Variants in COL23A1 observed in about 807,000 individuals in gnomAD.
The protein encoded by COL23A1 is collagen type XXIII alpha 1 chain.
COL23A1 carries 97 observed loss-of-function variants against 99.3 expected under a neutral mutation model. The ratio of observed to expected loss-of-function variants is 0.98; its 90% CI spans 0.83 to 1.16. The LOEUF is 1.16. Ranked by LOEUF, COL23A1 falls within the 50% of genes most tolerant of loss-of-function variation. The probability of loss-of-function intolerance (pLI) is 0.00; values close to 1 mark genes in which losing one functional copy is unlikely to be tolerated. For missense variants in COL23A1, 762 were observed against 757.4 expected, an observed-to-expected ratio of 1.01 and a Z score of -0.07; for synonymous variants, 320 against 308.2, an observed-to-expected ratio of 1.04 and a Z score of -0.40.
chr5:178,246,052 G>A (rs1435456887), intron 24 of COL23A1, 84 bp from the exon 25 acceptor site: 1 of 1,521,238 alleles, frequency 6.6e-7, no homozygotes, highest in African/African-American at 1.4e-5. Flanking sequence ...CCTGTGGGTT[G>A]GCCACAGACA....
intron 2 of COL23A1, among the ~76,000 whole-genome samples, chr5:178,492,331 A>T (rs1472213101): frequency 6.6e-6 from 1 of 152,084 alleles, no homozygotes. Context: ...CGCCTACCCC[A>T]ACGGGACCAG....
At position 178,255,823 on chromosome 5, in the gene COL23A1, TG is replaced by T; in HGVS notation, c.882+529del. 2.5e-6 allele frequency: 1 copy of T among 404,288 alleles called. No individual in the cohort carries two copies. The allele number at this position is 404,288 out of a possible 1,614,324, so 25.0% of individuals were successfully genotyped here. A position where few individuals can be genotyped will look rare whatever the true frequency, so the allele number is the denominator to read the frequency against. On this transcript the variant is annotated intron_variant, in intron 15 of 28. Transcript: ENST00000390654. This position sits in a 1 kb window ranked among gnomAD's most constrained non-coding sequence, Gnocchi z 4.2. ...GGCGGGGGCTCAGATCCATTTTTTTTGGAGGAAGAAGCCAGCCTCTGGGAGC... is the reference window on the plus strand; with the variant it reads ...GGCGGGGGCTCAGATCCATTTTTTTTGAGGAAGAAGCCAGCCTCTGGGAGC...
In COL23A1 at chr5:178,384,509, C is replaced by A. The variant is rs541738439; in HGVS notation, c.362-77590G>T. Among the ~76,000 whole-genome samples the A allele has an allele frequency of 1.3e-5, 2 of 152,256 alleles. No homozygotes were observed. The highest frequency in any genetic ancestry group is 3.9e-4 in the East Asian group (2 of 5,148). ...GAGGCCACGTGGACGGCGCTGAGTGCATCCCTCTCCAGCGGCCCACCGGGC... is the reference window on the plus strand; with the variant it reads ...GAGGCCACGTGGACGGCGCTGAGTGAATCCCTCTCCAGCGGCCCACCGGGC... On this transcript the variant is annotated intron_variant, in intron 2 of 28. Coordinates refer to ENST00000390654, the MANE Select transcript of COL23A1 (RefSeq NM_173465.4). This position sits in a 1 kb window ranked among gnomAD's most constrained non-coding sequence, Gnocchi z 5.5.
At chr5:178,537,977 A>C (rs1349878156) in intron 2 of COL23A1, among the ~76,000 whole-genome samples, 1 of 152,234 alleles carries the variant, frequency 6.6e-6, no homozygotes, top group Non-Finnish European at 1.5e-5. Context: ...GGAATCACAC[A>C]GTATCCGTCC....
At chr5:178,576,431 C>T (rs567363534) in intron 1 of COL23A1, among the ~76,000 whole-genome samples, 1 of 152,298 alleles carries the variant, frequency 6.6e-6, no homozygotes, top group South Asian at 2.1e-4. Context: ...GACGGGGTTT[C>T]GCCATACTGG....
chr5:178,472,643 G>A (rs1484659435), intron 2 of COL23A1, among the ~76,000 whole-genome samples: 1 of 152,092 alleles, frequency 6.6e-6, no homozygotes, highest in Admixed American at 6.5e-5. Flanking sequence ...TTAAAGGTAA[G>A]TGTTAGTATT....
chr5:178,576,407 G>GT (rs1210484400), intron 1 of COL23A1, among the ~76,000 whole-genome samples: 2 of 152,138 alleles, frequency 1.3e-5, no homozygotes, highest in Admixed American at 6.5e-5. Context: ...CCTGATTTTT[G>GT]TATTTTTAGT....
chr5:178,450,620 T>G (rs972019216), intron 2 of COL23A1, among the ~76,000 whole-genome samples: 1 of 152,214 alleles, frequency 6.6e-6, no homozygotes. Context: ...GTCTCTGTCA[T>G]AGCAGCCCAA....
chr5:178,320,541 G>C (rs1362454338), intron 2 of COL23A1, among the ~76,000 whole-genome samples: 1 of 152,238 alleles, frequency 6.6e-6, no homozygotes, highest in Non-Finnish European at 1.5e-5. Flanking sequence ...CGCGCCAGCT[G>C]TGCAGTTTGC....
rs369155219 is a variant in COL23A1, at chr5:178,366,290, G to T, written c.362-59371C>A. On this transcript the variant is annotated intron_variant, in intron 2 of 28. Transcript: ENST00000390654. This position sits in a 1 kb window ranked among gnomAD's most constrained non-coding sequence, Gnocchi z 4.4. ...GAGGGGCACCGCTGCCTTGCCCGAG[G>T]TTCCCTCTGCACCCCACGATGGGCG... Among the ~76,000 whole-genome samples, 21 of 152,204 alleles carry T rather than the reference G, an allele frequency of 1.4e-4. No individual in the cohort carries two copies. Among genetic ancestry groups the T allele is most frequent in the African/African-American group, 4.1e-4 (17 of 41,462 alleles).
At chr5:178,407,151 G>A (rs751492104) in intron 2 of COL23A1, among the ~76,000 whole-genome samples, 5 of 152,220 alleles carry the variant, frequency 3.3e-5, no homozygotes, top group Non-Finnish European at 4.4e-5. Flanking sequence ...CAGTAATGAG[G>A]CACTCCTGCC....
chr5:178,408,506 A>G lies in COL23A1; in HGVS notation c.362-101587T>C, dbSNP rs539389970. Among the ~76,000 whole-genome samples, 10 of 152,324 alleles carry G rather than the reference A, an allele frequency of 6.6e-5. No individual in the cohort carries two copies. The East Asian group carries it at 1.9e-3, about 29-fold the overall frequency. On this transcript the variant is annotated intron_variant, in intron 2 of 28. Transcript: ENST00000390654. ...GTCTAGTGTGGTTCTCAATATATGTACAGAAAACATTTAAGATAATTATGT... is the reference window on the plus strand; with the variant it reads ...GTCTAGTGTGGTTCTCAATATATGTGCAGAAAACATTTAAGATAATTATGT...
intron 2 of COL23A1, among the ~76,000 whole-genome samples, chr5:178,399,922 G>A (rs1048588593): frequency 2.0e-5 from 3 of 152,172 alleles, no homozygotes; most frequent in East Asian, 1.9e-4. Flanking sequence ...ATCCACCCGC[G>A]TCCATGCCTA....
chr5:178,475,772 G>A (rs1481745788), intron 2 of COL23A1, among the ~76,000 whole-genome samples: 1 of 152,292 alleles, frequency 6.6e-6, no homozygotes, highest in African/African-American at 2.4e-5. Context: ...GTGGCTGTTG[G>A]TAGAATTCAG....
chr5:178,341,345 G>A lies in COL23A1; in HGVS notation c.362-34426C>T, dbSNP rs961689016. Reference sequence around the variant, plus strand: ...TTGGCTGGGGAACCCAAGATAGGTCGGTCAACACTTCCTTCAGCCTCCCTG... The same window carrying A: ...TTGGCTGGGGAACCCAAGATAGGTCAGTCAACACTTCCTTCAGCCTCCCTG... On this transcript the variant is annotated intron_variant, in intron 2 of 28. Transcript: ENST00000390654. 2.6e-5 allele frequency among the ~76,000 whole-genome samples: 4 copies of A among 152,124 alleles called. No individual in the cohort carries two copies. In the South Asian group the frequency reaches 8.3e-4, roughly 32 times the overall value.
chr5:178,402,789 T>C (rs72822867), intron 2 of COL23A1, among the ~76,000 whole-genome samples: 1 of 151,998 alleles, frequency 6.6e-6, no homozygotes, highest in Non-Finnish European at 1.5e-5. Flanking sequence ...TTACACATTA[T>C]ATGAACGTAT....
rs113757092 is a variant in COL23A1, at chr5:178,285,146, C to T, written c.441+3178G>A. On this transcript the variant is annotated intron_variant, in intron 5 of 28. Coordinates refer to ENST00000390654, the MANE Select transcript of COL23A1 (RefSeq NM_173465.4). The stretch of plus-strand genomic sequence containing the variant: ...GACTTCCTCAAGTCCACAACCTGCC[C>T]CACAGATGTGGGTGGCCCCTATGCC... Among the ~76,000 whole-genome samples, 406 of 152,292 alleles carry T rather than the reference C, an allele frequency of 2.7e-3. 2 individuals are homozygous for T. Among genetic ancestry groups the T allele is most frequent in the African/African-American group, 9.1e-3 (379 of 41,558 alleles).
Position 178,585,379 on chromosome 5 carries a change from G to A in COL23A1, c.294+4525C>T, listed in dbSNP as rs529175550. 5.1e-3 allele frequency among the ~76,000 whole-genome samples: 766 copies of A among 151,368 alleles called. 12 individuals carry two copies. The highest frequency in any genetic ancestry group is 8.2e-3 in the Non-Finnish European group (555 of 67,788). ...CTCTATGGCCCCAGCTGACTCTAGG[G>A]TAACACTCCGCGGCCCTGACTGATG... On this transcript the variant is annotated intron_variant, in intron 1 of 28. Coordinates refer to ENST00000390654, the MANE Select transcript of COL23A1 (RefSeq NM_173465.4).
Position 178,324,251 on chromosome 5 carries a change from C to T in COL23A1, c.362-17332G>A, listed in dbSNP as rs948881372. 9.2e-5 allele frequency among the ~76,000 whole-genome samples: 14 copies of T among 152,278 alleles called. No individual in the cohort carries two copies. In the East Asian group the frequency reaches 1.2e-3, roughly 13 times the overall value. ...AATTTGCATTTTCAACAAGTTCACA[C>T]GCTATGCCGGGCTGGTCTGGTAAAC... On this transcript the variant is annotated intron_variant, in intron 2 of 28. Coordinates refer to ENST00000390654, the MANE Select transcript of COL23A1 (RefSeq NM_173465.4).
Sources: allele counts gnomAD v4.1 joint callset (sites outside exome capture counted in the v4.1 genomes callset), GRCh38; gene constraint gnomAD v4.1.1; non-coding constraint Gnocchi (gnomAD v3.1); transcripts MANE v1.5; gene names NCBI Gene and HGNC (gene_info 2026-07-23, HGNC 2026-07-21).